UGT8: variants seen among roughly 807,000 people sequenced by gnomAD.
UGT8 encodes 2-hydroxyacylsphingosine 1-beta-galactosyltransferase.
UGT8 carries 12 observed loss-of-function variants against 40.5 expected under a neutral mutation model. That is an observed-to-expected ratio of 0.30 (90% confidence interval 0.19 to 0.48). The LOEUF is 0.48. UGT8 is among the 20% of genes least tolerant of loss of function. UGT8 has a pLI of 0.99. For missense variants in UGT8, 513 were observed against 648.7 expected, an observed-to-expected ratio of 0.79 and a Z score of 2.27; for synonymous variants, 224 against 240.4, an observed-to-expected ratio of 0.93 and a Z score of 0.63.
chr4:114,661,700 G>C (rs758205467), intron 2 of UGT8, among the ~76,000 whole-genome samples: 8 of 152,190 alleles, frequency 5.3e-5, no homozygotes, highest in Non-Finnish European at 1.0e-4. Context: ...CTTGCTCACT[G>C]TCTCTGCTCC....
intron 1 of UGT8, among the ~76,000 whole-genome samples, chr4:114,615,231 C>T (rs1375267202): frequency 6.6e-6 from 1 of 151,628 alleles, no homozygotes; most frequent in East Asian, 1.9e-4. Flanking sequence ...GTCTTATTAT[C>T]TGTAAAGTGG....
At position 114,608,136 on chromosome 4, in the gene UGT8, C is replaced by A. The variant is rs571070791; in HGVS notation, c.-3+9162C>A. ...CACTGGGGCATTCATTTCAGGATAT[C>A]CCCCCGCTTGAGATGTCCTGCCTTT... On this transcript the variant is annotated intron_variant, in intron 1 of 5. Transcript: ENST00000310836. 5.6e-4 allele frequency among the ~76,000 whole-genome samples: 86 copies of A among 152,262 alleles called. 1 individual carries two copies. The South Asian group carries it at 8.3e-3, about 15-fold the overall frequency.
intron 1 of UGT8, among the ~76,000 whole-genome samples, chr4:114,600,176 G>A (rs1730358703): frequency 6.6e-6 from 1 of 152,092 alleles, no homozygotes; most frequent in African/African-American, 2.4e-5. Context: ...GGCGTGCTCT[G>A]GAGAATCACC....
chr4:114,598,426 C>T (rs1275195505), upstream of UGT8: 3 of 152,258 alleles, frequency 2.0e-5, no homozygotes, highest in Non-Finnish European at 4.4e-5. Context: ...CTCGAGCGCC[C>T]AGAGGGCTCG....
chr4:114,615,460 T>G (rs1731349721), intron 1 of UGT8, among the ~76,000 whole-genome samples: 1 of 152,044 alleles, frequency 6.6e-6, no homozygotes, highest in Non-Finnish European at 1.5e-5. Context: ...ACTTCCCCCC[T>G]CCCCACCCAG....
At chr4:114,640,612 T>G (rs549326848) in intron 2 of UGT8, among the ~76,000 whole-genome samples, 26 of 152,236 alleles carry the variant, frequency 1.7e-4, no homozygotes, top group African/African-American at 6.0e-4. Context: ...CTAGGCTGTT[T>G]ACAAAGGAAA....
chr4:114,630,104 G>A (rs746847357), intron 2 of UGT8, among the ~76,000 whole-genome samples: 1 of 151,818 alleles, frequency 6.6e-6, no homozygotes, highest in Admixed American at 6.6e-5. Flanking sequence ...GGGTTTGTCA[G>A]ATCTATTTCT....
chr4:114,655,111 A>C (rs1488633878), intron 2 of UGT8, among the ~76,000 whole-genome samples: 8 of 150,074 alleles, frequency 5.3e-5, no homozygotes, highest in African/African-American at 2.0e-4. Context: ...TGTTATTTAG[A>C]TGCTGAAATT....
At chr4:114,620,329 A>G (rs1290004155) in intron 1 of UGT8, among the ~76,000 whole-genome samples, 2 of 152,210 alleles carry the variant, frequency 1.3e-5, no homozygotes, top group Admixed American at 6.5e-5. Context: ...AGTGAGCAGT[A>G]GCTGCTGGAA....
chr4:114,651,542 TA>T (rs1376109075), intron 2 of UGT8, among the ~76,000 whole-genome samples: 5 of 152,104 alleles, frequency 3.3e-5, no homozygotes, highest in Non-Finnish European at 5.9e-5. Flanking sequence ...AATACACTGA[TA>T]AGGGTTTTCC....
rs34575248 is a variant in UGT8 at position 114,647,356 on chromosome 4, TTGTGTGTG to T, written c.823-16609_823-16602del. Among the ~76,000 whole-genome samples, 40 of 143,290 alleles carry T rather than the reference TTGTGTGTG, an allele frequency of 2.8e-4. No individual in the cohort carries two copies. The East Asian group carries it at 5.9e-3, about 21-fold the overall frequency. 94.0% of individuals were successfully genotyped at this position (143,290 alleles called of 152,430 possible). On this transcript the variant is annotated intron_variant, in intron 2 of 5. Coordinates refer to ENST00000310836, the MANE Select transcript of UGT8 (RefSeq NM_001128174.3). ...AAACAATTTACATGAATTAGCTCTT[TTGTGTGTG>T]TGTGTGTGTGTGTGTGTGTGTGTGT...
intron 1 of UGT8, among the ~76,000 whole-genome samples, chr4:114,606,411 G>A (rs1056328954): frequency 6.6e-6 from 1 of 152,058 alleles, no homozygotes; most frequent in African/African-American, 2.4e-5. Flanking sequence ...CCTTCCTCTG[G>A]GTTCTCTTTA....
At position 114,623,119 on chromosome 4, in the gene UGT8, C is replaced by G; in HGVS notation, c.239C>G (p.Thr80Ser). 1.2e-6 allele frequency: 2 copies of G among 1,614,120 alleles called. No individual in the cohort carries two copies. Among genetic ancestry groups the G allele is most frequent in the Non-Finnish European group, 8.5e-7 (1 of 1,180,008 alleles). ...CGCTACCCAGGGATCTTTAACAGTA[C>G]CACCTCAGATGCTTTCCTACAGTCC... Reference protein sequence around the residue: ...LQRYPGIFNSTTSDAFLQSKM... With the variant: ...LQRYPGIFNSSTSDAFLQSKM... The change falls in exon 2 of 6, where the codon ACC becomes AGC. Residue 80 changes from threonine to serine, a missense_variant. This residue lies in a region of UGT8 where 335 missense variants were observed against 444.8 expected (regional missense o/e 0.75). Transcript: ENST00000310836.
intron 2 of UGT8, among the ~76,000 whole-genome samples, chr4:114,628,474 T>A (rs1732376995): frequency 6.6e-6 from 1 of 152,032 alleles, no homozygotes; most frequent in Non-Finnish European, 1.5e-5. Context: ...GAATAACTAT[T>A]CTAATGTTAC....
At chr4:114,605,964 G>A (rs1187047854) in intron 1 of UGT8, among the ~76,000 whole-genome samples, 1 of 151,854 alleles carries the variant, frequency 6.6e-6, no homozygotes, top group Admixed American at 6.6e-5. Context: ...ATATACTCAG[G>A]GACTTTGAAA....
In UGT8 at chr4:114,623,472, G is replaced by A. The variant is rs1731975287; in HGVS notation, c.592G>A (p.Gly198Ser). ...MNLLQRMKNT[G>S]VYLISRLGVS... ...CTTGCTGCAAAGGATGAAAAATACC[G>A]GTGTTTACCTCATTTCCAGATTAGG... Residue 198 changes from glycine (G) to serine (S), a missense_variant, in exon 2 of 6, where the codon GGT (glycine) becomes AGT (serine). Gly to Ser is a moderately conservative substitution (Grantham distance 56). Coordinates refer to ENST00000310836, the MANE Select transcript of UGT8 (RefSeq NM_001128174.3). 1 of 1,614,006 alleles carries A rather than the reference G, an allele frequency of 6.2e-7. No homozygotes were observed. Among genetic ancestry groups the A allele is most frequent in the Non-Finnish European group, 8.5e-7 (1 of 1,180,014 alleles).
chr4:114,602,243 G>A (rs568535779), intron 1 of UGT8, among the ~76,000 whole-genome samples: 1 of 152,138 alleles, frequency 6.6e-6, no homozygotes, highest in South Asian at 2.1e-4. Flanking sequence ...CTTTGTTTAG[G>A]AATATGTATA....
intron 2 of UGT8, among the ~76,000 whole-genome samples, chr4:114,629,024 G>A (rs1732417309): frequency 6.6e-6 from 1 of 152,020 alleles, no homozygotes; most frequent in African/African-American, 2.4e-5. Flanking sequence ...GTGATTGAAA[G>A]CTGGTTTCAC....
chr4:114,612,227 AC>A (rs1731136655), intron 1 of UGT8, among the ~76,000 whole-genome samples: 1 of 152,160 alleles, frequency 6.6e-6, no homozygotes, highest in African/African-American at 2.4e-5. Context: ...TTAAAAAAAA[AC>A]AGGGTTGAAT....
Sources: allele counts gnomAD v4.1 joint callset (sites outside exome capture counted in the v4.1 genomes callset), GRCh38; gene constraint gnomAD v4.1.1; regional missense constraint gnomAD v4.1.1; transcripts MANE v1.5; gene names NCBI Gene and HGNC (gene_info 2026-07-23, HGNC 2026-07-21).